Variants in PTBP2 observed in about 807,000 individuals in gnomAD.
PTBP2 encodes polypyrimidine tract binding protein 2, also known as polypyrimidine tract-binding protein 2.
PTBP2 carries 13 observed loss-of-function variants against 61.4 expected under a neutral mutation model. The observed-to-expected ratio is 0.21, with a 90% CI of 0.14 to 0.34. The LOEUF (loss-of-function observed/expected upper bound fraction) is 0.34. Among genes scored for constraint, PTBP2 ranks in the 10% least tolerant of loss-of-function variants. The pLI is 1.00. For synonymous variants in PTBP2, 215 were observed against 218.5 expected (o/e 0.98, Z 0.14); for missense variants, 405 against 642.6 (o/e 0.63, Z 4.00).
chr1:96,758,885 CTT>C (rs1655465899), intron 3 of PTBP2, among the ~76,000 whole-genome samples: 1 of 152,176 alleles, frequency 6.6e-6, no homozygotes, highest in Admixed American at 6.5e-5. Context: ...ATTCAACATG[CTT>C]TTTAAAGTAG....
In PTBP2 at chr1:96,724,339, C is replaced by T. The variant is rs149678615; in HGVS notation, c.39+745C>T. ...GATCTTGGCCCACTGCAACCTCTGCCTCCTGGGTTCAAGCAGTTCTCCTGC... is the reference window on the plus strand; with the variant it reads ...GATCTTGGCCCACTGCAACCTCTGCTTCCTGGGTTCAAGCAGTTCTCCTGC... On this transcript the variant is annotated intron_variant, in intron 2 of 13. Coordinates refer to ENST00000674951, the MANE Select transcript of PTBP2 (RefSeq NM_021190.4). Among the ~76,000 whole-genome samples the T allele has an allele frequency of 4.5e-4, 69 of 152,186 alleles. 1 individual carries two copies. In the East Asian group the frequency reaches 0.012, roughly 26 times the overall value.
chr1:96,751,575 G>A, intron 3 of PTBP2, 75 bp downstream of exon 3: 1 of 1,083,466 alleles, frequency 9.2e-7, no homozygotes, highest in Non-Finnish European at 1.4e-6. Flanking sequence ...ATTTAACCCT[G>A]TTATACCAGG....
rs377364792 is a variant in PTBP2 at position 96,779,524 on chromosome 1, A to G, written c.708+1578A>G. On this transcript the variant is annotated intron_variant, in intron 7 of 13. Transcript: ENST00000674951. Reference sequence around the variant, plus strand: ...CATTAAATCTCATAAAAGTACCTCAATTGTGTCAACTGTTTGACATTTTTG... The same window carrying G: ...CATTAAATCTCATAAAAGTACCTCAGTTGTGTCAACTGTTTGACATTTTTG... Among the ~76,000 whole-genome samples the G allele has an allele frequency of 1.6e-4, 25 of 152,182 alleles. No homozygotes were observed. In the South Asian group the frequency reaches 2.9e-3, roughly 18 times the overall value.
At position 96,770,803 on chromosome 1, in the gene PTBP2, C is replaced by G. The variant is rs764410087; in HGVS notation, c.384C>G (p.Ile128Met). 1.9e-6 allele frequency: 3 copies of G among 1,586,886 alleles called. No homozygotes were observed. The highest frequency in any genetic ancestry group is 2.6e-6 in the Non-Finnish European group (3 of 1,155,616). Residue 128 changes from isoleucine to methionine, a missense_variant, in exon 5 of 14, where the codon ATC becomes ATG. Transcript: ENST00000674951. The stretch of plus-strand genomic sequence containing the variant: ...ATCTTCGTAACCAACCAATATATAT[C>G]CAGTACTCGAATCACAAAGAACTAA... The part of the protein sequence containing the change: ...TPHLRNQPIY[I>M]QYSNHKELKT...
At chr1:96,804,261 T>G (rs943757790) in intron 8 of PTBP2, among the ~76,000 whole-genome samples, 2 of 152,202 alleles carry the variant, frequency 1.3e-5, no homozygotes, top group African/African-American at 4.8e-5. Context: ...TTGCTAAGAT[T>G]TTCTTTATTT....
At chr1:96,761,723 TG>T (rs953108462) in intron 3 of PTBP2, among the ~76,000 whole-genome samples, 5 of 148,462 alleles carry the variant, frequency 3.4e-5, no homozygotes, top group Admixed American at 1.3e-4. Flanking sequence ...GCTACTGTTC[TG>T]TTTTTTTTTG....
chr1:96,812,799 A>C lies in PTBP2; in HGVS notation c.1259A>C (p.Glu420Ala), dbSNP rs1432912044. Residue 420 changes from glutamate (E) to alanine (A), a missense_variant, in exon 12 of 14, where the codon GAG becomes GCG. Physicochemically the swap from Glu to Ala is moderately radical, Grantham distance 107 (BLOSUM62 -1). Around this residue, in one of 4 missense-constraint regions of PTBP2, gnomAD observed 18 missense variants for 69.6 expected, o/e 0.26. Transcript: ENST00000674951. ...SKHQTVQLPR[E>A]GLDDQGLTKD... Reference sequence around the variant, plus strand: ...CATCAGACTGTACAGCTACCTCGAGAGGGACTTGATGATCAAGGGCTAACA... The same window carrying C: ...CATCAGACTGTACAGCTACCTCGAGCGGGACTTGATGATCAAGGGCTAACA... 6.2e-7 allele frequency: 1 copy of C among 1,612,040 alleles called. No homozygotes were observed. The highest frequency in any genetic ancestry group is 8.5e-7 in the Non-Finnish European group (1 of 1,178,166).
rs1219026312 is a variant in PTBP2 at position 96,785,139 on chromosome 1, A to G, written c.789A>G (p.Lys263=). The G allele has an allele frequency of 6.2e-7, 1 of 1,610,252 alleles. No homozygotes were observed. The highest frequency in any genetic ancestry group is 2.2e-5 in the East Asian group (1 of 44,712). ...CCAAACTTGTGAATTTGAATGTAAA[A>G]TACAACAATGATAAAAGTAGGGATT... ...DFSKLVNLNV[K]YNNDKSRDYT... The change falls in exon 8 of 14, where the codon AAA becomes AAG. Residue 263 remains lysine (K), a synonymous_variant. Coordinates refer to ENST00000674951, the MANE Select transcript of PTBP2 (RefSeq NM_021190.4).
chr1:96,812,388 C>T (rs1662169290), intron 11 of PTBP2, among the ~76,000 whole-genome samples: 1 of 152,100 alleles, frequency 6.6e-6, no homozygotes, highest in Admixed American at 6.5e-5. Context: ...GGATGTGTAA[C>T]AGAAGGGAGA....
exon 14 of PTBP2, chr1:96,822,729 A>AT (rs1292688179): frequency 5.3e-5 from 8 of 152,316 alleles, no homozygotes; most frequent in Admixed American, 3.9e-4. Flanking sequence ...ATCTTGTTGA[A>AT]TAAGAGTAAA....
intron 2 of PTBP2, among the ~76,000 whole-genome samples, chr1:96,750,888 G>T (rs1654454891): frequency 6.6e-6 from 1 of 152,004 alleles, no homozygotes; most frequent in African/African-American, 2.4e-5. Flanking sequence ...TTTAAGACAT[G>T]ACCTTATTTT....
chr1:96,732,910 T>C (rs999925892), intron 2 of PTBP2, among the ~76,000 whole-genome samples: 41 of 152,176 alleles, frequency 2.7e-4, no homozygotes, highest in African/African-American at 9.6e-4. Context: ...ATAGGTTATA[T>C]AGAAGACCTC....
At position 96,813,502 on chromosome 1, in the gene PTBP2, GTTT is replaced by G. The variant is rs1662267813; in HGVS notation, c.*100_*102del. ...TGGGGACCAGAGTTTGATTTTTTTT[GTTT>G]TTGTTTTTTTGGGGTTTCTTTTTTT... On this transcript the variant is annotated 3_prime_UTR_variant, in exon 14 of 14. Transcript: ENST00000674951. 8.1e-7 allele frequency: 1 copy of G among 1,230,716 alleles called. No homozygotes were observed. The highest frequency in any genetic ancestry group is 1.6e-5 in the African/African-American group (1 of 61,184). 76.2% of individuals were successfully genotyped at this position (1,230,716 alleles called of 1,614,324 possible). A position where few individuals can be genotyped will look rare whatever the true frequency, so the allele number is the denominator to read the frequency against.
At position 96,804,890 on chromosome 1, in the gene PTBP2, T is replaced by C. The variant is rs1227527166; in HGVS notation, c.995T>C (p.Val332Ala). The C allele has an allele frequency of 1.2e-6, 2 of 1,610,708 alleles. No homozygotes were observed. The highest frequency in any genetic ancestry group is 2.7e-5 in the African/African-American group (2 of 74,760). The change falls in exon 9 of 14, where the codon GTC (valine) becomes GCC (alanine). Residue 332 changes from valine to alanine, a missense_variant. Val to Ala is a moderately conservative substitution (Grantham distance 64). This residue lies in a region of PTBP2 where 342 missense variants were observed against 491.2 expected (regional missense o/e 0.70). Coordinates refer to ENST00000674951, the MANE Select transcript of PTBP2 (RefSeq NM_021190.4). ...GCTGGCCGAGTGGGTATGCCTGGAG[T>C]CTCAGCTGGTGGCAATACAGTCCTG... ...AAAGRVGMPGVSAGGNTVLLV... is the reference protein window; with the variant it reads ...AAAGRVGMPGASAGGNTVLLV...
At chr1:96,774,120 TAA>T (rs10691287) in intron 5 of PTBP2, among the ~76,000 whole-genome samples, 5 of 145,074 alleles carry the variant, frequency 3.4e-5, no homozygotes, top group Non-Finnish European at 3.0e-5. Flanking sequence ...CACAGTCTCT[TAA>T]AAAAAAAAAA....
At chr1:96,818,245 GT>G (rs1001455788), downstream of PTBP2, 7 of 151,918 alleles carry the variant, frequency 4.6e-5, 1 homozygote, top group Admixed American at 3.3e-4. Context: ...TGTTGTATAG[GT>G]TTTTGAATCA....
At chr1:96,777,306 T>A (rs566253488) in intron 5 of PTBP2, among the ~76,000 whole-genome samples, 1 of 152,190 alleles carries the variant, frequency 6.6e-6, no homozygotes, top group Non-Finnish European at 1.5e-5. Flanking sequence ...AACTACATCT[T>A]GTTCTTTTGA....
downstream of PTBP2, chr1:96,819,193 C>G: frequency 6.6e-6 from 1 of 151,866 alleles, no homozygotes; most frequent in Non-Finnish European, 1.5e-5. Context: ...TCTATTAATG[C>G]TTCCTCAGTC....
intron 2 of PTBP2, among the ~76,000 whole-genome samples, chr1:96,741,435 A>AT (rs1262204775): frequency 1.3e-5 from 2 of 151,716 alleles, no homozygotes; most frequent in Admixed American, 6.6e-5. Context: ...TAATTTTTCA[A>AT]TTTTTTTGTA....
Sources: allele counts gnomAD v4.1 joint callset (sites outside exome capture counted in the v4.1 genomes callset), GRCh38; gene constraint gnomAD v4.1.1; regional missense constraint gnomAD v4.1.1; transcripts MANE v1.5; gene names NCBI Gene and HGNC (gene_info 2026-07-23, HGNC 2026-07-21).